Variants in ZBTB20 observed in about 807,000 individuals in gnomAD.
ZBTB20 encodes zinc finger and BTB domain-containing protein 20.
In ZBTB20, 9 loss-of-function variants were observed where a neutral mutation model predicts 56.9. The observed-to-expected ratio is 0.16, with a 90% CI of 0.10 to 0.28. The LOEUF (loss-of-function observed/expected upper bound fraction) is 0.28. ZBTB20 is among the 10% of genes least tolerant of loss of function. The pLI is 1.00. For missense variants in ZBTB20, 655 were observed against 1,003.0 expected (o/e 0.65, Z 4.69); for synonymous variants, 417 against 420.7 (o/e 0.99, Z 0.11).
chr3:114,469,788 C>A (rs1477386284), intron 7 of ZBTB20, among the ~76,000 whole-genome samples: 2 of 152,162 alleles, frequency 1.3e-5, no homozygotes, highest in Admixed American at 1.3e-4. Context: ...CCTCTCTTAT[C>A]ATGATGTTCA....
chr3:114,933,040 C>T (rs2076411959), intron 3 of ZBTB20, among the ~76,000 whole-genome samples: 1 of 152,068 alleles, frequency 6.6e-6, no homozygotes, highest in African/African-American at 2.4e-5. Context: ...GAGACAGGCC[C>T]AGACAGACCC....
At chr3:114,851,481 T>C (rs1185946295) in intron 4 of ZBTB20, among the ~76,000 whole-genome samples, 1 of 152,136 alleles carries the variant, frequency 6.6e-6, no homozygotes, top group African/African-American at 2.4e-5. Context: ...TTCATTATAA[T>C]CATTTTAATT....
chr3:114,960,289 G>A (rs929489021), intron 3 of ZBTB20, among the ~76,000 whole-genome samples: 5 of 152,202 alleles, frequency 3.3e-5, no homozygotes, highest in Non-Finnish European at 5.9e-5. Context: ...GGAAGAAAAT[G>A]TGAAGTGGAA....
At chr3:114,769,375 A>G (rs1465803681) in intron 5 of ZBTB20, among the ~76,000 whole-genome samples, 1 of 151,574 alleles carries the variant, frequency 6.6e-6, no homozygotes, top group African/African-American at 2.4e-5. Context: ...TATATATATT[A>G]TATACACACA....
At position 114,316,510 on chromosome 3, in the gene ZBTB20, A is replaced by C. The variant is rs1024307096; in HGVS notation, c.*22495T>G. ...CCTATACATGTATAATATATACACT[A>C]TATATATGTGGATACATATAGGAAG... On this transcript the variant is annotated 3_prime_UTR_variant, in exon 12 of 12. Transcript: ENST00000675478. The C allele has an allele frequency of 1.9e-6, 1 of 530,548 alleles. No homozygotes were observed. Among genetic ancestry groups the C allele is most frequent in the African/African-American group, 1.9e-5 (1 of 51,558 alleles). 32.9% of individuals were successfully genotyped at this position (530,548 alleles called of 1,614,324 possible). A position where few individuals can be genotyped will look rare whatever the true frequency, so the allele number is the denominator to read the frequency against.
chr3:114,912,444 G>A (rs75806301), intron 3 of ZBTB20, among the ~76,000 whole-genome samples: 3,953 of 151,452 alleles, frequency 0.026, 173 homozygotes, highest in African/African-American at 0.091. Context: ...TTTGTTATTA[G>A]GTATACTTTT....
At chr3:115,118,026 A>G (rs1425917035) in intron 1 of ZBTB20, among the ~76,000 whole-genome samples, 1 of 152,172 alleles carries the variant, frequency 6.6e-6, no homozygotes, top group Non-Finnish European at 1.5e-5. Flanking sequence ...ACAAGTTACT[A>G]TTTTTCCAGA....
intron 3 of ZBTB20, among the ~76,000 whole-genome samples, chr3:114,957,539 C>T (rs1003073807): frequency 2.0e-5 from 3 of 152,114 alleles, no homozygotes; most frequent in African/African-American, 7.2e-5. Context: ...TATCTTATGG[C>T]CCTAACAGCA....
chr3:114,583,345 T>C (rs1577741695), intron 6 of ZBTB20, among the ~76,000 whole-genome samples: 1 of 152,224 alleles, frequency 6.6e-6, no homozygotes, highest in African/African-American at 2.4e-5. Context: ...ACAGTATTTA[T>C]GTATCATAAC....
intron 11 of ZBTB20, among the ~76,000 whole-genome samples, chr3:114,349,697 A>G (rs2080483479): frequency 6.6e-6 from 1 of 152,104 alleles, no homozygotes; most frequent in African/African-American, 2.4e-5. Flanking sequence ...TCCTCCTCTT[A>G]ACCATCTTAA....
rs557329156 is a variant in ZBTB20, at chr3:114,684,251, G to C, written c.-295+9277C>G. Among the ~76,000 whole-genome samples, 14 of 152,182 alleles carry C rather than the reference G, an allele frequency of 9.2e-5. No individual in the cohort carries two copies. In the East Asian group the frequency reaches 2.7e-3, roughly 29 times the overall value. On this transcript the variant is annotated intron_variant, in intron 6 of 11. Transcript: ENST00000675478. ...ATGTATTCATCTTCCCATATTTCAG[G>C]GAAGAAATAGTTGAACGACTTTAGG...
At chr3:114,393,549 A>G (rs2086072030) in intron 7 of ZBTB20, among the ~76,000 whole-genome samples, 1 of 152,090 alleles carries the variant, frequency 6.6e-6, no homozygotes, top group South Asian at 2.1e-4. Context: ...TACACACCTG[A>G]GCGTCTATTA....
At chr3:114,359,140 A>G (rs1348376241) in intron 10 of ZBTB20, among the ~76,000 whole-genome samples, 1 of 152,164 alleles carries the variant, frequency 6.6e-6, no homozygotes. Flanking sequence ...ACAATTGAAT[A>G]TTAATTTAAG....
chr3:114,739,461 C>T (rs2066420986), intron 5 of ZBTB20, among the ~76,000 whole-genome samples: 3 of 152,120 alleles, frequency 2.0e-5, no homozygotes, highest in Admixed American at 2.0e-4. Flanking sequence ...ATCACAGGGC[C>T]CTGTTTAAGC....
At position 114,330,424 on chromosome 3, in the gene ZBTB20, C is replaced by T. The variant is rs1257537857; in HGVS notation, c.*8581G>A. 1 of 151,986 alleles carries T rather than the reference C, an allele frequency of 6.6e-6. No homozygotes were observed. The highest frequency in any genetic ancestry group is 2.4e-5 in the African/African-American group (1 of 41,390). 9.4% of individuals were successfully genotyped at this position (151,986 alleles called of 1,614,324 possible). On this transcript the variant is annotated 3_prime_UTR_variant, in exon 12 of 12. Transcript: ENST00000675478. Reference sequence around the variant, plus strand: ...GAGTTGTTATATATAATGTGTATGTCCTAGGTTTCAGAAATACTGCAATGT... The same window carrying T: ...GAGTTGTTATATATAATGTGTATGTTCTAGGTTTCAGAAATACTGCAATGT...
rs534642617 is a variant in ZBTB20, at chr3:114,402,229, G to T, written c.-254-13124C>A. Among the ~76,000 whole-genome samples, 7 of 152,240 alleles carry T rather than the reference G, an allele frequency of 4.6e-5. No individual in the cohort carries two copies. In the South Asian group the frequency reaches 1.5e-3, roughly 32 times the overall value. On this transcript the variant is annotated intron_variant, in intron 7 of 11. Coordinates refer to ENST00000675478, the MANE Select transcript of ZBTB20 (RefSeq NM_001348800.3). ...TGGCTATGCTACATGCTCTTCAATT[G>T]TTTAGGCATATAAAAAGGAGTGATG...
chr3:114,718,505 T>C (rs189992773), intron 5 of ZBTB20, among the ~76,000 whole-genome samples: 25 of 152,192 alleles, frequency 1.6e-4, no homozygotes, highest in African/African-American at 5.8e-4. Flanking sequence ...AGGGATTGCT[T>C]TCCTCACATC....
Position 114,321,593 on chromosome 3 carries a change from A to G in ZBTB20, c.*17412T>C, listed in dbSNP as rs1031686339. The G allele has an allele frequency of 8.5e-5, 13 of 152,248 alleles. No homozygotes were observed. The highest frequency in any genetic ancestry group is 1.0e-4 in the Non-Finnish European group (7 of 68,042). 9.4% of individuals were successfully genotyped at this position (152,248 alleles called of 1,614,324 possible). A position where few individuals can be genotyped will look rare whatever the true frequency, so the allele number is the denominator to read the frequency against. Reference sequence around the variant, plus strand: ...TTCACACAGATGGTTCCATATGGAAACAAAAAATAAAGAGAAAGAACTGGT... The same window carrying G: ...TTCACACAGATGGTTCCATATGGAAGCAAAAAATAAAGAGAAAGAACTGGT... On this transcript the variant is annotated 3_prime_UTR_variant, in exon 12 of 12. Coordinates refer to ENST00000675478, the MANE Select transcript of ZBTB20 (RefSeq NM_001348800.3).
intron 3 of ZBTB20, among the ~76,000 whole-genome samples, chr3:114,971,993 A>G (rs749577676): frequency 5.3e-5 from 8 of 151,116 alleles, no homozygotes; most frequent in Non-Finnish European, 8.9e-5. Context: ...AATTTTAAAT[A>G]TTACTGGAAA....
Sources: allele counts gnomAD v4.1 joint callset (sites outside exome capture counted in the v4.1 genomes callset), GRCh38; gene constraint gnomAD v4.1.1; transcripts MANE v1.5; gene names NCBI Gene and HGNC (gene_info 2026-07-23, HGNC 2026-07-21).